CRACR2A: variants seen among roughly 807,000 people sequenced by gnomAD.
CRACR2A encodes calcium release activated channel regulator 2A, also known as EF-hand calcium-binding domain-containing protein 4B.
A neutral mutation model predicts 90.5 loss-of-function variants in CRACR2A; 79 were observed. The observed-to-expected ratio is 0.87, with a 90% CI of 0.73 to 1.05. CRACR2A has a LOEUF of 1.05. Among genes scored for constraint, CRACR2A ranks in the 50% least tolerant of loss-of-function variants. CRACR2A has a pLI of 0.00. For missense variants in CRACR2A, 823 were observed against 897.2 expected, an observed-to-expected ratio of 0.92 and a Z score of 1.06; for synonymous variants, 338 against 356.7, an observed-to-expected ratio of 0.95 and a Z score of 0.59.
At chr12:3,700,988 T>C (rs1945826104) in intron 3 of CRACR2A, among the ~76,000 whole-genome samples, 2 of 152,272 alleles carry the variant, frequency 1.3e-5, no homozygotes, top group South Asian at 4.1e-4. Flanking sequence ...TTTAAAAGAA[T>C]TCAGTTTGTA....
rs1378785710 is a variant in CRACR2A, at chr12:3,633,180, G to C, written c.1735+424C>G. On this transcript the variant is annotated intron_variant, in intron 15 of 19. Transcript: ENST00000440314. The surrounding 1 kb of genome is among the most constrained non-coding windows in gnomAD (Gnocchi z 4.5). ...TGTAGCAGGCCCTCAGGAAGACAGGGGGAGGTGTGGCAGGATGTGGGTCTC... is the reference window on the plus strand; with the variant it reads ...TGTAGCAGGCCCTCAGGAAGACAGGCGGAGGTGTGGCAGGATGTGGGTCTC... 4.6e-5 allele frequency among the ~76,000 whole-genome samples: 7 copies of C among 152,070 alleles called. No homozygotes were observed. The highest frequency in any genetic ancestry group is 1.4e-4 in the African/African-American group (6 of 41,388).
At chr12:3,718,983 C>T in intron 2 of CRACR2A, among the ~76,000 whole-genome samples, 1 of 152,162 alleles carries the variant, frequency 6.6e-6, no homozygotes, top group East Asian at 1.9e-4. Context: ...AACACAGGCT[C>T]CTTTCCAAAA....
At chr12:3,658,513 A>C (rs1435432790) in intron 8 of CRACR2A, among the ~76,000 whole-genome samples, 1 of 152,178 alleles carries the variant, frequency 6.6e-6, no homozygotes, top group Non-Finnish European at 1.5e-5. Flanking sequence ...CAGGCGCTAC[A>C]AGAGGGAGGA....
chr12:3,666,370 T>TGCGCGCGCACGC (rs1196117313), intron 7 of CRACR2A, among the ~76,000 whole-genome samples: 1 of 142,628 alleles, frequency 7.0e-6, no homozygotes, highest in Non-Finnish European at 1.5e-5. Context: ...CGTGTGCGCG[T>TGCGCGCGCACGC]GCGCGCGCAC....
At chr12:3,673,045 C>T (rs1945276454) in intron 7 of CRACR2A, among the ~76,000 whole-genome samples, 1 of 152,178 alleles carries the variant, frequency 6.6e-6, no homozygotes, top group Non-Finnish European at 1.5e-5. Context: ...GTCACAGGCA[C>T]CTGGCTAGCT....
chr12:3,733,872 GACAC>G (rs56412036), intron 1 of CRACR2A, among the ~76,000 whole-genome samples: 14,084 of 135,820 alleles, frequency 0.1, 818 homozygotes, highest in East Asian at 0.27. Context: ...AAATTTTCAG[GACAC>G]ACACACACAC....
At chr12:3,687,867 T>C (rs374134978) in intron 4 of CRACR2A, among the ~76,000 whole-genome samples, 2 of 152,212 alleles carry the variant, frequency 1.3e-5, no homozygotes, top group African/African-American at 4.8e-5. Context: ...TTTTTTGGCT[T>C]TTTAGTAATA....
chr12:3,643,856 TTATATTATA>T (rs1555107839), intron 12 of CRACR2A, among the ~76,000 whole-genome samples: 2 of 67,354 alleles, frequency 3.0e-5, no homozygotes, highest in African/African-American at 6.8e-5. Context: ...TATTATATAT[TTATATTATA>T]TATATTATAT....
intron 1 of CRACR2A, among the ~76,000 whole-genome samples, chr12:3,745,316 C>T (rs555089831): frequency 2.0e-5 from 3 of 152,082 alleles, no homozygotes; most frequent in Non-Finnish European, 4.4e-5. Flanking sequence ...AATTTCTGAC[C>T]GTGATTCAGA....
intron 1 of CRACR2A, among the ~76,000 whole-genome samples, chr12:3,733,973 A>ATTTTTCT (rs1555121377): frequency 1.0e-5 from 1 of 99,796 alleles, no homozygotes; most frequent in Non-Finnish European, 2.0e-5. Flanking sequence ...ATTTTGCCTT[A>ATTTTTCT]TTTTTTTTTT....
Position 3,679,067 on chromosome 12 carries a change from A to C in CRACR2A, c.372T>G (p.Ser124Arg). 1 of 1,613,156 alleles carries C rather than the reference A, an allele frequency of 6.2e-7. No homozygotes were observed. The highest frequency in any genetic ancestry group is 8.5e-7 in the Non-Finnish European group (1 of 1,179,662). ...CCACCTGTTCACCTGCATCTTCCTG[A>C]CTTGGGTTATTCTGGCTGAAGAAGA... ...SHFFFSQNNP[S>R]QEDAGEQVAQ... Residue 124 changes from serine (S) to arginine (R), a missense_variant, in exon 6 of 20, where the codon AGT becomes AGG. Ser to Arg is a moderately radical substitution (Grantham distance 110, BLOSUM62 -1). Transcript: ENST00000440314.
chr12:3,745,826 A>AAAATAAAATAAAAT (rs1946615314), intron 1 of CRACR2A, among the ~76,000 whole-genome samples: 2 of 2,412 alleles, frequency 8.3e-4, no homozygotes, highest in Admixed American at 4.1e-3. Flanking sequence ...AAAATAAAAT[A>AAAATAAAATAAAAT]AAGAAAGAAA....
chr12:3,660,372 G>C (rs933119123), intron 7 of CRACR2A, among the ~76,000 whole-genome samples: 4 of 152,180 alleles, frequency 2.6e-5, no homozygotes, highest in Non-Finnish European at 5.9e-5. Flanking sequence ...GGATGGCGAT[G>C]ACAATGAGAT....
At chr12:3,644,073 C>T (rs984796093) in intron 12 of CRACR2A, among the ~76,000 whole-genome samples, 9 of 144,908 alleles carry the variant, frequency 6.2e-5, no homozygotes, top group African/African-American at 1.0e-4. Flanking sequence ...TATATGCACA[C>T]ACTACATATA....
In CRACR2A at chr12:3,720,679, C is replaced by T. The variant is rs555704456; in HGVS notation, c.-117-7362G>A. On this transcript the variant is annotated intron_variant, in intron 2 of 19. Coordinates refer to ENST00000440314, the MANE Select transcript of CRACR2A (RefSeq NM_001144958.2). ...TGACCTGGTCCCAGCCTCCCTACCC[C>T]GAGCTTTTTGGAAGAGAGCCTGTGT... Among the ~76,000 whole-genome samples the T allele has an allele frequency of 7.0e-4, 106 of 152,288 alleles. 1 individual carries two copies. The highest frequency in any genetic ancestry group is 2.4e-3 in the African/African-American group (99 of 41,550).
chr12:3,638,144 C>T lies in CRACR2A; in HGVS notation c.1582G>A (p.Gly528Arg). Residue 528 changes from glycine (G) to arginine (R), a missense_variant, in exon 14 of 20, where the codon GGA (glycine) becomes AGA (arginine). Physicochemically the swap from Gly to Arg is moderately radical, Grantham distance 125. Transcript: ENST00000440314. ...TPTSPRGQPV[G>R]KEALCKEESS... ...CTTACCTTACACAGGGCTTCTTTTC[C>T]AACAGGCTGCCCTCGGGGGGATGTG... 1.9e-6 allele frequency: 3 copies of T among 1,545,546 alleles called. No individual in the cohort carries two copies. The highest frequency in any genetic ancestry group is 2.5e-5 in the East Asian group (1 of 40,760).
intron 1 of CRACR2A, among the ~76,000 whole-genome samples, chr12:3,750,568 T>C (rs1262266448): frequency 3.3e-5 from 5 of 152,202 alleles, no homozygotes; most frequent in Non-Finnish European, 5.9e-5. Context: ...AACAGGGCCT[T>C]GGAAAATATA....
At chr12:3,647,056 T>C (rs1286526104) in intron 11 of CRACR2A, among the ~76,000 whole-genome samples, 1 of 152,190 alleles carries the variant, frequency 6.6e-6, no homozygotes, top group Admixed American at 6.5e-5. Flanking sequence ...TGCATGTTCC[T>C]AATCAAGTGC....
chr12:3,734,114 G>GCGCC (rs1946407986), intron 1 of CRACR2A, among the ~76,000 whole-genome samples: 1 of 151,118 alleles, frequency 6.6e-6, no homozygotes, highest in Non-Finnish European at 1.5e-5. Context: ...GGGACTACAG[G>GCGCC]CGCCCGCCAC....
Sources: allele counts gnomAD v4.1 joint callset (sites outside exome capture counted in the v4.1 genomes callset), GRCh38; gene constraint gnomAD v4.1.1; non-coding constraint Gnocchi (gnomAD v3.1); transcripts MANE v1.5; gene names NCBI Gene and HGNC (gene_info 2026-07-23, HGNC 2026-07-21).